Variants in FANCM observed in about 807,000 individuals in gnomAD.
FANCM encodes FA complementation group M, also known as Fanconi anemia group M protein.
A neutral mutation model predicts 199.5 loss-of-function variants in FANCM; 140 were observed. The observed-to-expected ratio is 0.70, with a 90% CI of 0.61 to 0.81. The LOEUF (loss-of-function observed/expected upper bound fraction) is 0.81. Ranked by LOEUF, FANCM falls within the 30% of genes least tolerant of loss-of-function variation. The pLI is 0.00. For missense variants in FANCM, 2,410 were observed against 2,421.4 expected (o/e 1.00, Z 0.10); for synonymous variants, 840 against 836.8 (o/e 1.00, Z -0.07).
At chr14:45,150,881 A>G (rs555782282) in intron 4 of FANCM, among the ~76,000 whole-genome samples, 1 of 152,364 alleles carries the variant, frequency 6.6e-6, no homozygotes, top group East Asian at 1.9e-4. Context: ...TATCCCCAGC[A>G]TTTAGAACAG....
At chr14:45,172,579 C>A (rs911754144) in intron 12 of FANCM, among the ~76,000 whole-genome samples, 2 of 152,144 alleles carry the variant, frequency 1.3e-5, no homozygotes, top group Admixed American at 1.3e-4. Flanking sequence ...ATTATGCTTT[C>A]ATAAGCATCC....
In FANCM at chr14:45,175,054, ATTTTCCTTATT is replaced by A. The variant is rs1888574506; in HGVS notation, c.2317-15_2317-5del. Reference sequence around the variant, plus strand: ...GTTTTGTTTTCCTGTGGCTTTTTAAATTTTCCTTATTTATAGGGAGAATGCAGCTATGAATT... The same window carrying A: ...GTTTTGTTTTCCTGTGGCTTTTTAAATATAGGGAGAATGCAGCTATGAATT... On this transcript the variant is annotated splice_polypyrimidine_tract_variant and splice_region_variant and intron_variant, in intron 13 of 22. Coordinates refer to ENST00000267430, the MANE Select transcript of FANCM (RefSeq NM_020937.4). 1 of 1,556,952 alleles carries A rather than the reference ATTTTCCTTATT, an allele frequency of 6.4e-7. No homozygotes were observed. The highest frequency in any genetic ancestry group is 1.1e-5 in the South Asian group (1 of 88,844).
rs776577985 is a variant in FANCM at position 45,199,889 on chromosome 14, A to G, written c.6028A>G (p.Met2010Val). 1.9e-6 allele frequency: 3 copies of G among 1,611,804 alleles called. No homozygotes were observed. Among genetic ancestry groups the G allele is most frequent in the Non-Finnish European group, 1.7e-6 (2 of 1,178,252 alleles). The change falls in exon 23 of 23, where the codon ATG becomes GTG. Residue 2010 changes from methionine (M) to valine (V), a missense_variant. Met to Val is a conservative substitution (Grantham distance 21, BLOSUM62 1). Coordinates refer to ENST00000267430, the MANE Select transcript of FANCM (RefSeq NM_020937.4). ...TTTCAGCTCACTTCAAGAAATCTCC[A>G]TGTATGCACAAGTAACTCATCAGAA... ...MANSSLQEIS[M>V]YAQVTHQKAE...
At position 45,148,974 on chromosome 14, in the gene FANCM, C is replaced by T; in HGVS notation, c.897C>T (p.Ala299=). The change falls in exon 4 of 23, where the codon GCC becomes GCT. Residue 299 remains alanine (A), a synonymous_variant. Transcript: ENST00000267430. The stretch of plus-strand genomic sequence containing the variant: ...TTCCGCTTGGTGAAGAACTTGCAGC[C>T]ATCCAAAAGACCTATATCCAGGTAA... ...LIVPLGEELA[A]IQKTYIQILE... 6.2e-7 allele frequency: 1 copy of T among 1,613,704 alleles called. No homozygotes were observed. The highest frequency in any genetic ancestry group is 8.5e-7 in the Non-Finnish European group (1 of 1,179,790).
At position 45,167,076 on chromosome 14, in the gene FANCM, A is replaced by G. The variant is rs745669373; in HGVS notation, c.1915A>G (p.Lys639Glu). The stretch of plus-strand genomic sequence containing the variant: ...TGATGGAATCAACCCAAAATTACAC[A>G]AAATGTTCATCACACATGGTGTCTA... ...VPDGINPKLH[K>E]MFITHGVYEP... The change falls in exon 11 of 23, where the codon AAA (lysine) becomes GAA (glutamate). Residue 639 changes from lysine to glutamate, a missense_variant. Transcript: ENST00000267430. The G allele has an allele frequency of 7.4e-6, 12 of 1,613,650 alleles. No homozygotes were observed. Among genetic ancestry groups the G allele is most frequent in the Non-Finnish European group, 1.0e-5 (12 of 1,179,680 alleles).
At chr14:45,198,268 G>T (rs1890177863) in intron 21 of FANCM, among the ~76,000 whole-genome samples, 1 of 152,096 alleles carries the variant, frequency 6.6e-6, no homozygotes. Context: ...CAGGGTATTT[G>T]TTGAGTTATT....
Position 45,136,369 on chromosome 14 carries a change from C to A in FANCM, c.338C>A (p.Thr113Asn). ...LFCNTLVCLPTGLGKTFIAAV... is the reference protein window; with the variant it reads ...LFCNTLVCLPNGLGKTFIAAV... ...TGCAATACGCTGGTGTGTCTGCCTA[C>A]CGGACTGGGAAAGACCTTTATTGCC... Residue 113 changes from threonine (T) to asparagine (N), a missense_variant, in exon 1 of 23, where the codon ACC (threonine) becomes AAC (asparagine). By Grantham distance (65) the Thr-to-Asn change is moderately conservative. Transcript: ENST00000267430. 6.2e-7 allele frequency: 1 copy of A among 1,614,180 alleles called. No homozygotes were observed. Among genetic ancestry groups the A allele is most frequent in the Non-Finnish European group, 8.5e-7 (1 of 1,180,034 alleles).
chr14:45,194,792 A>C (rs1220236262), intron 20 of FANCM, among the ~76,000 whole-genome samples: 1 of 149,236 alleles, frequency 6.7e-6, no homozygotes, highest in Admixed American at 6.7e-5. Context: ...AGATATTGCT[A>C]ACTTCTCTAT....
In FANCM at chr14:45,187,816, C is replaced by T. The variant is rs139376041; in HGVS notation, c.4708C>T (p.Arg1570Cys). Residue 1570 changes from arginine to cysteine, a missense_variant, in exon 19 of 23, where the codon CGT becomes TGT. By Grantham distance (180) the Arg-to-Cys change is radical (BLOSUM62 -3). Transcript: ENST00000267430. ...EMRAIYMKSL[R>C]SPMMNNKYKM... ...GAGAGCTATTTACATGAAATCTTTG[C>T]GTAGTCCAATGATGAACAATAAGTA... The T allele has an allele frequency of 4.8e-5, 76 of 1,581,130 alleles. No individual in the cohort carries two copies. The African/African-American group carries it at 5.6e-4, about 12-fold the overall frequency.
chr14:45,192,495 T>C (rs1015609170), intron 20 of FANCM, among the ~76,000 whole-genome samples: 71 of 152,052 alleles, frequency 4.7e-4, no homozygotes, highest in African/African-American at 1.7e-3. Flanking sequence ...TACAAAAAAT[T>C]AGCCAGACGT....
intron 6 of FANCM, 116 bp from the exon 7 acceptor site, chr14:45,154,581 A>G: frequency 5.5e-6 from 4 of 721,234 alleles, no homozygotes; most frequent in Non-Finnish European, 8.9e-6. Context: ...TCTGGTTTTC[A>G]TGTTTACACT....
chr14:45,159,325 G>C (rs1164626656), intron 9 of FANCM, 45 bp downstream of exon 9: 1 of 1,416,660 alleles, frequency 7.1e-7, no homozygotes, highest in South Asian at 1.2e-5. Flanking sequence ...AGATTGATTA[G>C]CTTTGCACTT....
chr14:45,171,378 T>C (rs369684228), intron 12 of FANCM, among the ~76,000 whole-genome samples: 1 of 152,114 alleles, frequency 6.6e-6, no homozygotes, highest in African/African-American at 2.4e-5. Flanking sequence ...TTTTGTTACA[T>C]GGATAAGTTC....
intron 10 of FANCM, 123 bp downstream of exon 10, chr14:45,164,688 C>T (rs1887842473): frequency 9.0e-6 from 7 of 777,054 alleles, no homozygotes; most frequent in Non-Finnish European, 1.5e-5. Flanking sequence ...GTTTATTTTC[C>T]CCCACTTTGT....
chr14:45,179,043 A>G (rs1053557477), intron 14 of FANCM, among the ~76,000 whole-genome samples: 1 of 152,038 alleles, frequency 6.6e-6, no homozygotes, highest in Admixed American at 6.6e-5. Flanking sequence ...TACTGAAAAT[A>G]CAAAAATTAG....
chr14:45,169,951 G>T (rs1444271627), intron 11 of FANCM, among the ~76,000 whole-genome samples: 1 of 151,790 alleles, frequency 6.6e-6, no homozygotes, highest in Non-Finnish European at 1.5e-5. Flanking sequence ...CCTTTTAAAA[G>T]TCTTGGCCTT....
Position 45,176,922 on chromosome 14 carries a change from A to G in FANCM, c.4168A>G (p.Lys1390Glu). ...TGATTATTCAGAATTTTCTCTAGAAAAGTCTAAAAGCAGTGGTCCAATGTA... is the reference window on the plus strand; with the variant it reads ...TGATTATTCAGAATTTTCTCTAGAAGAGTCTAAAAGCAGTGGTCCAATGTA... ...TFDYSEFSLEKSKSSGPMYLH... is the reference protein window; with the variant it reads ...TFDYSEFSLEESKSSGPMYLH... The change falls in exon 14 of 23, where the codon AAG becomes GAG. Residue 1390 changes from lysine (K) to glutamate (E), a missense_variant. Coordinates refer to ENST00000267430, the MANE Select transcript of FANCM (RefSeq NM_020937.4). 1 of 1,611,500 alleles carries G rather than the reference A, an allele frequency of 6.2e-7. No individual in the cohort carries two copies. The highest frequency in any genetic ancestry group is 8.5e-7 in the Non-Finnish European group (1 of 1,178,104).
rs1386356905 is a variant in FANCM, at chr14:45,175,693, A to T, written c.2939A>T (p.His980Leu). ...VRTDDQFYNC[H>L]SLTKEVLANV... ...ACAGATGACCAATTTTATAATTGTCACTCATTGACAAAAGAGGTACTAGCT... is the reference window on the plus strand; with the variant it reads ...ACAGATGACCAATTTTATAATTGTCTCTCATTGACAAAAGAGGTACTAGCT... Residue 980 changes from histidine to leucine, a missense_variant, in exon 14 of 23, where the codon CAC becomes CTC. His to Leu is a moderately conservative substitution (Grantham distance 99). Coordinates refer to ENST00000267430, the MANE Select transcript of FANCM (RefSeq NM_020937.4). 6.2e-7 allele frequency: 1 copy of T among 1,613,658 alleles called. No individual in the cohort carries two copies. Among genetic ancestry groups the T allele is most frequent in the South Asian group, 1.1e-5 (1 of 91,076 alleles).
At chr14:45,187,441 T>C (rs538811042) in intron 18 of FANCM, among the ~76,000 whole-genome samples, 162 of 152,252 alleles carry the variant, frequency 1.1e-3, no homozygotes, top group African/African-American at 3.7e-3. Context: ...TTATTTTTTT[T>C]GAAACTTCTA....
Sources: allele counts gnomAD v4.1 joint callset (sites outside exome capture counted in the v4.1 genomes callset), GRCh38; gene constraint gnomAD v4.1.1; transcripts MANE v1.5; gene names NCBI Gene and HGNC (gene_info 2026-07-23, HGNC 2026-07-21).